NRG3: variants seen among roughly 807,000 people sequenced by gnomAD.
NRG3 encodes the protein neuregulin 3.
In NRG3, 31 loss-of-function variants were observed where a neutral mutation model predicts 66.9. That is an observed-to-expected ratio of 0.46 (90% CI 0.35 to 0.63). The LOEUF is 0.63. Ranked by LOEUF, NRG3 falls within the 20% of genes least tolerant of loss-of-function variation. The probability of loss-of-function intolerance (pLI) is 0.00; values close to 1 mark genes in which losing one functional copy is unlikely to be tolerated. For missense variants in NRG3, 910 were observed against 878.9 expected, an observed-to-expected ratio of 1.04 and a Z score of -0.45; for synonymous variants, 393 against 359.4, an observed-to-expected ratio of 1.09 and a Z score of -1.06.
intron 1 of NRG3, among the ~76,000 whole-genome samples, chr10:82,339,268 C>T (rs1301765797): frequency 6.6e-6 from 1 of 152,166 alleles, no homozygotes; most frequent in Non-Finnish European, 1.5e-5. Context: ...CTGTATTAGT[C>T]TGTTCTCACA....
At chr10:82,162,422 G>A (rs1012972902) in intron 1 of NRG3, among the ~76,000 whole-genome samples, 2 of 152,120 alleles carry the variant, frequency 1.3e-5, no homozygotes, top group Non-Finnish European at 2.9e-5. Flanking sequence ...GCCTTGCTCT[G>A]CCATCATTTT....
chr10:82,001,904 G>A (rs767942210), intron 1 of NRG3, among the ~76,000 whole-genome samples: 4 of 152,150 alleles, frequency 2.6e-5, no homozygotes, highest in Non-Finnish European at 5.9e-5. Context: ...TTTAGAAACA[G>A]GTTAGGATCA....
chr10:82,507,399 A>T (rs955665604), intron 2 of NRG3, among the ~76,000 whole-genome samples: 21 of 152,184 alleles, frequency 1.4e-4, no homozygotes, highest in Non-Finnish European at 2.9e-5. Context: ...TTGGAAATAA[A>T]AAAATAAAAA....
chr10:82,120,894 C>T (rs965791511), intron 1 of NRG3, among the ~76,000 whole-genome samples: 1 of 152,070 alleles, frequency 6.6e-6, no homozygotes, highest in African/African-American at 2.4e-5. Context: ...CCTGCACATG[C>T]CTCCGTACCC....
intron 1 of NRG3, among the ~76,000 whole-genome samples, chr10:82,219,828 G>A (rs2075854032): frequency 6.6e-6 from 1 of 152,018 alleles, no homozygotes; most frequent in Non-Finnish European, 1.5e-5. Flanking sequence ...GAATAAAAAT[G>A]TATTTCCTGG....
At chr10:81,909,530 G>A (rs11191761) in intron 1 of NRG3, among the ~76,000 whole-genome samples, 18,432 of 152,140 alleles carry the variant, frequency 0.12, 1,869 homozygotes, top group African/African-American at 0.27. Context: ...TATGTACTCA[G>A]TTGTAGCAAA....
chr10:82,561,650 A>C (rs1418011620), intron 2 of NRG3, among the ~76,000 whole-genome samples: 1 of 151,766 alleles, frequency 6.6e-6, no homozygotes, highest in Non-Finnish European at 1.5e-5. Context: ...TCTTCCCAAC[A>C]CTCCCATCCT....
chr10:82,490,158 C>T (rs1842978602), intron 2 of NRG3, among the ~76,000 whole-genome samples: 1 of 152,168 alleles, frequency 6.6e-6, no homozygotes, highest in Non-Finnish European at 1.5e-5. Flanking sequence ...ACTCCCACAC[C>T]AGCAGCCAAC....
At chr10:81,957,725 C>T (rs183295519) in intron 1 of NRG3, among the ~76,000 whole-genome samples, 1 of 152,118 alleles carries the variant, frequency 6.6e-6, no homozygotes, top group African/African-American at 2.4e-5. Context: ...GAATTAGGGT[C>T]TTTGGAAATT....
intron 8 of NRG3, chr10:82,984,715 G>C: frequency 6.7e-7 from 1 of 1,492,994 alleles, no homozygotes; most frequent in Non-Finnish European, 9.1e-7. Flanking sequence ...TGCCATTATG[G>C]GTGTCCTGTT....
intron 3 of NRG3, among the ~76,000 whole-genome samples, chr10:82,788,042 A>AT (rs1273463551): frequency 1.3e-5 from 2 of 152,196 alleles, no homozygotes; most frequent in Non-Finnish European, 2.9e-5. Context: ...TGTGAGAGAA[A>AT]TTTTGAAAGC....
intron 2 of NRG3, among the ~76,000 whole-genome samples, chr10:82,514,225 C>A (rs1161169480): frequency 3.9e-5 from 6 of 152,106 alleles, no homozygotes; most frequent in Admixed American, 3.9e-4. Flanking sequence ...GCCCTTGTTG[C>A]AATTGCTTTT....
chr10:82,761,571 C>A (rs1379788383), intron 3 of NRG3, among the ~76,000 whole-genome samples: 1 of 151,974 alleles, frequency 6.6e-6, no homozygotes, highest in Non-Finnish European at 1.5e-5. Context: ...AAACCTGAGA[C>A]TGAATTGCTA....
chr10:82,148,219 G>A (rs2070403951), intron 1 of NRG3, among the ~76,000 whole-genome samples: 1 of 151,562 alleles, frequency 6.6e-6, no homozygotes, highest in South Asian at 2.1e-4. Context: ...ATCACTGATT[G>A]CGGGGGGGTG....
chr10:81,890,250 G>A (rs888680067), intron 1 of NRG3, among the ~76,000 whole-genome samples: 1 of 152,138 alleles, frequency 6.6e-6, no homozygotes, highest in African/African-American at 2.4e-5. Flanking sequence ...AAGCCTTTCG[G>A]CTACTTGGAT....
In NRG3 at chr10:82,497,408, C is replaced by A. The variant is rs1194268129; in HGVS notation, c.953+138540C>A. 2.0e-5 allele frequency among the ~76,000 whole-genome samples: 3 copies of A among 152,266 alleles called. No homozygotes were observed. The East Asian group carries it at 5.8e-4, about 29-fold the overall frequency. ...CCTCCAGCCCAGAATAATCACCATT[C>A]TACTCTCTACTTCTCTTCAGCTTTT... is the stretch of plus-strand genomic sequence containing the variant. On this transcript the variant is annotated intron_variant, in intron 2 of 8. Coordinates refer to ENST00000372141, the MANE Select transcript of NRG3 (RefSeq NM_001010848.4).
chr10:81,907,804 C>T (rs1296320033), intron 1 of NRG3, among the ~76,000 whole-genome samples: 1 of 152,162 alleles, frequency 6.6e-6, no homozygotes, highest in African/African-American at 2.4e-5. Flanking sequence ...ACCAAAATTA[C>T]AGACTCCTTG....
intron 2 of NRG3, among the ~76,000 whole-genome samples, chr10:82,628,326 C>A (rs533254342): frequency 5.3e-5 from 8 of 152,196 alleles, no homozygotes; most frequent in Admixed American, 4.6e-4. Flanking sequence ...TAATCATTCT[C>A]TAGCATATTT....
At chr10:82,864,169 G>T (rs909271382) in intron 3 of NRG3, among the ~76,000 whole-genome samples, 1 of 152,026 alleles carries the variant, frequency 6.6e-6, no homozygotes, top group South Asian at 2.1e-4. Context: ...TTGGAAAAAA[G>T]GGGTGGTGGT....
Sources: allele counts gnomAD v4.1 joint callset (sites outside exome capture counted in the v4.1 genomes callset), GRCh38; gene constraint gnomAD v4.1.1; transcripts MANE v1.5; gene names NCBI Gene and HGNC (gene_info 2026-07-23, HGNC 2026-07-21).